The following VEPH1 variants were observed in gnomAD, a reference collection of about 807,000 sequenced individuals.
VEPH1 encodes ventricular zone-expressed PH domain-containing protein homolog 1.
In VEPH1, 80 loss-of-function variants were observed where a neutral mutation model predicts 85.2. The ratio of observed to expected loss-of-function variants is 0.94; its 90% confidence interval spans 0.78 to 1.13. The LOEUF is 1.13. Ranked by LOEUF, VEPH1 falls within the 50% of genes most tolerant of loss-of-function variation. VEPH1 has a pLI of 0.00. For missense variants in VEPH1, 955 were observed against 980.5 expected (o/e 0.97, Z 0.35); for synonymous variants, 297 against 348.0 (o/e 0.85, Z 1.63).
intron 7 of VEPH1, among the ~76,000 whole-genome samples, chr3:157,374,239 T>C: frequency 6.6e-6 from 1 of 152,236 alleles, no homozygotes; most frequent in Admixed American, 6.5e-5. Flanking sequence ...ATTTTCTTTT[T>C]ACACAAGTGA....
intron 4 of VEPH1, chr3:157,443,594 CG>C (rs1271171196): frequency 6.6e-6 from 1 of 152,480 alleles, no homozygotes. Context: ...AACTAGCTCA[CG>C]TCATTTAATT....
intron 2 of VEPH1, 52 bp from the exon 3 acceptor site, chr3:157,470,581 T>G (rs764421037): frequency 1.3e-6 from 2 of 1,571,512 alleles, no homozygotes; most frequent in East Asian, 4.5e-5. Context: ...AAGTTATCCT[T>G]CAAAGGACAA....
At chr3:157,281,101 TGAGA>T (rs1553756525) in intron 12 of VEPH1, among the ~76,000 whole-genome samples, 37 of 148,740 alleles carry the variant, frequency 2.5e-4, no homozygotes, top group East Asian at 2.0e-4. Context: ...TGTGTGTGTG[TGAGA>T]GAGAGAGAGA....
At chr3:157,277,443 G>A (rs140959244) in intron 12 of VEPH1, among the ~76,000 whole-genome samples, 1 of 152,214 alleles carries the variant, frequency 6.6e-6, no homozygotes, top group East Asian at 1.9e-4. Context: ...AACTTGTTTG[G>A]GTTGTACCAT....
At chr3:157,436,770 G>C in intron 4 of VEPH1, 28 of 285,148 alleles carry the variant, frequency 9.8e-5, no homozygotes, top group Non-Finnish European at 1.4e-4. Context: ...TCCCGTTACC[G>C]CAGTGCCACC....
chr3:157,442,899 T>G, intron 4 of VEPH1: 2 of 1,613,862 alleles, frequency 1.2e-6, no homozygotes, highest in Non-Finnish European at 1.7e-6. Context: ...AGGAGCAGAG[T>G]CTTGTCACAT....
At chr3:157,337,550 T>A (rs1577372278) in intron 9 of VEPH1, among the ~76,000 whole-genome samples, 1 of 152,198 alleles carries the variant, frequency 6.6e-6, no homozygotes, top group South Asian at 2.1e-4. Context: ...TGGAAGGAAA[T>A]ACATATCATT....
intron 3 of VEPH1, among the ~76,000 whole-genome samples, chr3:157,468,007 T>C (rs967347900): frequency 2.6e-5 from 4 of 152,218 alleles, no homozygotes; most frequent in African/African-American, 7.2e-5. Context: ...AAACATCCCA[T>C]CTAACATAAA....
At chr3:157,396,067 C>A (rs1413943732) in intron 6 of VEPH1, among the ~76,000 whole-genome samples, 1 of 152,166 alleles carries the variant, frequency 6.6e-6, no homozygotes, top group Non-Finnish European at 1.5e-5. Flanking sequence ...ATTATCTATT[C>A]TTTCTGATGC....
intron 6 of VEPH1, among the ~76,000 whole-genome samples, chr3:157,392,677 G>C (rs1236067629): frequency 6.6e-6 from 1 of 152,060 alleles, no homozygotes; most frequent in Non-Finnish European, 1.5e-5. Flanking sequence ...AATTTGTGTT[G>C]GGCTGCATTC....
rs573322550 is a variant in VEPH1 at position 157,333,510 on chromosome 3, C to T, written c.1736-16309G>A. ...GACATGAAAGTAATTTTGGAATTTA[C>T]ATGAATTTTAAATCAAATACACACA... On this transcript the variant is annotated intron_variant, in intron 9 of 13. Coordinates refer to ENST00000362010, the MANE Select transcript of VEPH1 (RefSeq NM_001167912.2). Among the ~76,000 whole-genome samples, 256 of 152,342 alleles carry T rather than the reference C, an allele frequency of 1.7e-3. 1 individual carries two copies. Among genetic ancestry groups the T allele is most frequent in the Non-Finnish European group, 2.9e-3 (196 of 68,034 alleles).
At chr3:157,350,129 C>T (rs2108702947) in intron 9 of VEPH1, among the ~76,000 whole-genome samples, 1 of 152,284 alleles carries the variant, frequency 6.6e-6, no homozygotes. Flanking sequence ...TACTACAAAG[C>T]TGTAGTAACC....
Position 157,361,353 on chromosome 3 carries a change from T to A in VEPH1, c.1735+2011A>T, listed in dbSNP as rs1726029964. On this transcript the variant is annotated intron_variant, in intron 9 of 13. Transcript: ENST00000362010. ...ATATTATAATGTTATCACTAAACAT[T>A]TGAATCCCCCTTTCCCTTTGTTAGC... Among the ~76,000 whole-genome samples, 3 of 152,152 alleles carry A rather than the reference T, an allele frequency of 2.0e-5. No homozygotes were observed. The South Asian group carries it at 6.2e-4, about 32-fold the overall frequency.
intron 2 of VEPH1, among the ~76,000 whole-genome samples, chr3:157,481,955 G>T (rs899156282): frequency 1.3e-4 from 19 of 151,984 alleles, no homozygotes; most frequent in African/African-American, 4.1e-4. Flanking sequence ...GCTTAGTTTT[G>T]ACTTTGTCAA....
chr3:157,402,073 A>G (rs962055780), intron 6 of VEPH1, among the ~76,000 whole-genome samples: 1 of 152,196 alleles, frequency 6.6e-6, no homozygotes. Flanking sequence ...TCAATAGAAG[A>G]ACAGAAGAGT....
intron 4 of VEPH1, chr3:157,437,383 T>C (rs1733684847): frequency 3.6e-6 from 4 of 1,105,236 alleles, no homozygotes; most frequent in African/African-American, 3.2e-5. Context: ...TTTTCGGAGG[T>C]GTCCTTAAAG....
At chr3:157,364,969 C>G (rs913619544) in intron 7 of VEPH1, among the ~76,000 whole-genome samples, 2 of 152,148 alleles carry the variant, frequency 1.3e-5, no homozygotes, top group Non-Finnish European at 2.9e-5. Flanking sequence ...CAGTATAACT[C>G]TTATACCTTC....
intron 10 of VEPH1, among the ~76,000 whole-genome samples, chr3:157,313,976 C>T (rs1720429863): frequency 6.6e-6 from 1 of 151,838 alleles, no homozygotes; most frequent in African/African-American, 2.4e-5. Flanking sequence ...GCGGGAGGAT[C>T]GCTTGAGACC....
At chr3:157,460,039 A>G (rs1287610237) in intron 4 of VEPH1, 142 bp downstream of exon 4, 3 of 1,578,590 alleles carry the variant, frequency 1.9e-6, no homozygotes, top group South Asian at 2.3e-5. Context: ...TTGCATGTTC[A>G]CAGGTCAACT....
Sources: gnomAD v4.1 joint callset for allele counts (sites outside exome capture counted in the v4.1 genomes callset) on GRCh38, gnomAD v4.1.1 for gene constraint, MANE v1.5 for transcripts, NCBI Gene and HGNC (gene_info 2026-07-23, HGNC 2026-07-21) for gene names.